Variants in ZNF804B observed in about 807,000 individuals in gnomAD.
ZNF804B encodes zinc finger 804B.
Under a neutral mutation model 101.4 loss-of-function variants are expected in ZNF804B, and 80 were observed. That is an observed-to-expected ratio of 0.79 (90% CI 0.66 to 0.95). The LOEUF is 0.95. ZNF804B is among the 40% of genes least tolerant of loss of function. ZNF804B has a pLI of 0.00. For missense variants in ZNF804B, 1,673 were observed against 1,561.9 expected (o/e 1.07, Z -1.20); for synonymous variants, 622 against 558.8 (o/e 1.11, Z -1.59).
At chr7:88,974,762 C>T (rs1793591103) in intron 1 of ZNF804B, among the ~76,000 whole-genome samples, 2 of 151,284 alleles carry the variant, frequency 1.3e-5, no homozygotes, top group Non-Finnish European at 3.0e-5. Flanking sequence ...GGGTATCCAT[C>T]ACCTCAAATA....
At chr7:89,228,019 G>A (rs1289686749) in intron 2 of ZNF804B, among the ~76,000 whole-genome samples, 2 of 152,170 alleles carry the variant, frequency 1.3e-5, no homozygotes, top group South Asian at 2.1e-4. Flanking sequence ...TCCAGAATTG[G>A]CGGGTTCTTG....
At chr7:88,854,406 T>TTCCTTCCTTC (rs1562812524) in intron 1 of ZNF804B, among the ~76,000 whole-genome samples, 3 of 126,742 alleles carry the variant, frequency 2.4e-5, no homozygotes, top group African/African-American at 9.4e-5. Flanking sequence ...TTTCTTTCTT[T>TTCCTTCCTTC]CTTTCTTCCT....
At chr7:89,205,389 C>T (rs926009199) in intron 1 of ZNF804B, among the ~76,000 whole-genome samples, 3 of 152,198 alleles carry the variant, frequency 2.0e-5, no homozygotes, top group African/African-American at 4.8e-5. Context: ...TCCAAAGTCT[C>T]ATCTGAGAAA....
chr7:89,039,942 G>A (rs576446659), intron 1 of ZNF804B, among the ~76,000 whole-genome samples: 26 of 151,998 alleles, frequency 1.7e-4, no homozygotes, highest in Admixed American at 3.3e-4. Flanking sequence ...TTTTGTTACC[G>A]TATGTCTTGA....
intron 1 of ZNF804B, among the ~76,000 whole-genome samples, chr7:89,215,960 G>A (rs1044428963): frequency 2.0e-5 from 3 of 151,716 alleles, no homozygotes; most frequent in African/African-American, 7.3e-5. Context: ...GGAATCCCTA[G>A]TTTCAATCCA....
chr7:88,893,516 G>T (rs1792243053), intron 1 of ZNF804B, among the ~76,000 whole-genome samples: 2 of 151,882 alleles, frequency 1.3e-5, no homozygotes, highest in East Asian at 3.9e-4. Flanking sequence ...CATTATCAAA[G>T]TATGGATAAA....
chr7:88,947,699 TTG>T (rs1279610996), intron 1 of ZNF804B, among the ~76,000 whole-genome samples: 1 of 151,894 alleles, frequency 6.6e-6, no homozygotes, highest in Non-Finnish European at 1.5e-5. Context: ...TAAAAGAATT[TTG>T]TGTTTAGACT....
At chr7:89,297,185 T>C (rs111479655) in intron 2 of ZNF804B, among the ~76,000 whole-genome samples, 3,434 of 152,130 alleles carry the variant, frequency 0.023, 124 homozygotes, top group African/African-American at 0.078. Flanking sequence ...TTCTCCTTTT[T>C]TAGCTCCTTT....
At position 89,331,685 on chromosome 7, in the gene ZNF804B, T is replaced by C. The variant is rs191371787; in HGVS notation, c.381-1678T>C. ...CAAGTTAAAATCCATATGGTCATAA[T>C]TTGTAAACAGATTGAATATTGTAAA... On this transcript the variant is annotated intron_variant, in intron 3 of 3. Transcript: ENST00000333190. Among the ~76,000 whole-genome samples the C allele has an allele frequency of 4.1e-3, 620 of 151,652 alleles. 23 individuals are homozygous for C. The highest frequency in any genetic ancestry group is 0.038 in the Admixed American group (568 of 15,144).
At chr7:88,979,608 CT>C (rs141128834) in intron 1 of ZNF804B, among the ~76,000 whole-genome samples, 34,537 of 142,374 alleles carry the variant, frequency 0.24, 5,069 homozygotes, top group African/African-American at 0.43. Flanking sequence ...CTTTTTCTTT[CT>C]TTTTTTTTTT....
chr7:88,965,188 C>T, intron 1 of ZNF804B, among the ~76,000 whole-genome samples: 1 of 151,438 alleles, frequency 6.6e-6, no homozygotes, highest in African/African-American at 2.4e-5. Flanking sequence ...TCACAAATTT[C>T]ACCTTGACTT....
In ZNF804B at chr7:89,321,374, G is replaced by A. The variant is rs140234026; in HGVS notation, c.250-5970G>A. Among the ~76,000 whole-genome samples the A allele has an allele frequency of 2.8e-3, 430 of 152,168 alleles. 2 individuals carry two copies. Among genetic ancestry groups the A allele is most frequent in the African/African-American group, 9.6e-3 (400 of 41,520 alleles). On this transcript the variant is annotated intron_variant, in intron 2 of 3. Transcript: ENST00000333190. ...GGTGCCTGTAGTCCCAGCTACTCAGGAGGCTGAGACAGGAGAATGGCATGA... is the reference window on the plus strand; with the variant it reads ...GGTGCCTGTAGTCCCAGCTACTCAGAAGGCTGAGACAGGAGAATGGCATGA...
At chr7:88,791,061 TC>T (rs2115682908) in intron 1 of ZNF804B, among the ~76,000 whole-genome samples, 1 of 152,244 alleles carries the variant, frequency 6.6e-6, no homozygotes, top group Admixed American at 6.6e-5. Context: ...AGCAGATCTG[TC>T]TTTGAGAGTG....
At chr7:88,763,131 C>G (rs1010682141) in intron 1 of ZNF804B, among the ~76,000 whole-genome samples, 1 of 151,970 alleles carries the variant, frequency 6.6e-6, no homozygotes, top group African/African-American at 2.4e-5. Flanking sequence ...AGACATAATT[C>G]TTCAATTATA....
At chr7:89,286,634 G>T (rs1441741869) in intron 2 of ZNF804B, among the ~76,000 whole-genome samples, 1 of 152,160 alleles carries the variant, frequency 6.6e-6, no homozygotes, top group Non-Finnish European at 1.5e-5. Flanking sequence ...ACAACTTGCT[G>T]AAGATGAATG....
intron 1 of ZNF804B, among the ~76,000 whole-genome samples, chr7:88,987,729 C>T (rs1793778928): frequency 6.6e-6 from 1 of 151,864 alleles, no homozygotes; most frequent in African/African-American, 2.4e-5. Context: ...TATCCATCAC[C>T]CAAAGCATTT....
At chr7:89,142,069 C>T (rs1166301785) in intron 1 of ZNF804B, among the ~76,000 whole-genome samples, 6 of 151,434 alleles carry the variant, frequency 4.0e-5, no homozygotes, top group African/African-American at 1.5e-4. Context: ...AAACAAGTGC[C>T]TTTAAAGATT....
At chr7:88,802,298 A>G (rs990881932) in intron 1 of ZNF804B, among the ~76,000 whole-genome samples, 1 of 152,160 alleles carries the variant, frequency 6.6e-6, no homozygotes, top group Non-Finnish European at 1.5e-5. Context: ...TTCTTCAGGC[A>G]CAACTTTTTT....
intron 1 of ZNF804B, among the ~76,000 whole-genome samples, chr7:88,847,822 G>A (rs568740894): frequency 4.6e-5 from 7 of 152,246 alleles, no homozygotes; most frequent in African/African-American, 1.7e-4. Context: ...TGTTCTTGTT[G>A]TGGTTGTTTT....
Sources: allele counts gnomAD v4.1 joint callset (sites outside exome capture counted in the v4.1 genomes callset), GRCh38; gene constraint gnomAD v4.1.1; transcripts MANE v1.5; gene names NCBI Gene and HGNC (gene_info 2026-07-23, HGNC 2026-07-21).